The following NRXN3 variants were observed in gnomAD, a reference collection of about 807,000 sequenced individuals.
The protein encoded by NRXN3 is neurexin 3.
NRXN3 carries 32 observed loss-of-function variants against 137.6 expected under a neutral mutation model. That is an observed-to-expected ratio of 0.23 (90% CI 0.18 to 0.31). The LOEUF (loss-of-function observed/expected upper bound fraction) is 0.31. Ranked by LOEUF, NRXN3 falls within the 10% of genes least tolerant of loss-of-function variation. The probability of loss-of-function intolerance (pLI) is 1.00; values close to 1 mark genes in which losing one functional copy is unlikely to be tolerated. For missense variants in NRXN3, 1,574 were observed against 2,062.5 expected (o/e 0.76, Z 4.59); for synonymous variants, 798 against 784.5 (o/e 1.02, Z -0.29).
At chr14:79,672,167 G>A (rs1450099032) in intron 17 of NRXN3, among the ~76,000 whole-genome samples, 1 of 152,006 alleles carries the variant, frequency 6.6e-6, no homozygotes, top group Non-Finnish European at 1.5e-5. Context: ...GGACTTTATA[G>A]GATGCACATT....
chr14:78,195,327 GTTCGTTCA>G (rs1353310546), intron 1 of NRXN3, among the ~76,000 whole-genome samples: 2 of 152,076 alleles, frequency 1.3e-5, no homozygotes, highest in African/African-American at 4.8e-5. Context: ...TCATTCGTTC[GTTCGTTCA>G]TTCATTCATT....
intron 15 of NRXN3, among the ~76,000 whole-genome samples, chr14:79,172,805 A>G (rs1479103237): frequency 1.3e-5 from 2 of 152,198 alleles, no homozygotes; most frequent in African/African-American, 4.8e-5. Flanking sequence ...AGTAAGAACT[A>G]TGCTTTATAA....
At chr14:78,706,172 C>G (rs2098346428) in intron 6 of NRXN3, among the ~76,000 whole-genome samples, 1 of 152,128 alleles carries the variant, frequency 6.6e-6, no homozygotes, top group Non-Finnish European at 1.5e-5. Flanking sequence ...AATAATTAAC[C>G]TTTACTAGGA....
At chr14:79,656,463 T>C (rs2098506156) in intron 16 of NRXN3, among the ~76,000 whole-genome samples, 1 of 152,200 alleles carries the variant, frequency 6.6e-6, no homozygotes, top group South Asian at 2.1e-4. Context: ...ACGTGATGAC[T>C]CAGGATGCCA....
chr14:78,704,897 G>C (rs17108081), intron 6 of NRXN3, among the ~76,000 whole-genome samples: 1 of 152,120 alleles, frequency 6.6e-6, no homozygotes, highest in Admixed American at 6.5e-5. Flanking sequence ...TCCTGGTATT[G>C]CTCCTGTGTG....
intron 15 of NRXN3, among the ~76,000 whole-genome samples, chr14:79,341,873 G>C (rs2092627127): frequency 6.6e-6 from 1 of 152,048 alleles, no homozygotes; most frequent in South Asian, 2.1e-4. Context: ...AAGCAAAAAG[G>C]GCAATGCCGT....
rs367701200 is a variant in NRXN3, at chr14:78,663,202, A to C, written c.1221+11876A>C. 1.5e-4 allele frequency among the ~76,000 whole-genome samples: 23 copies of C among 152,328 alleles called. 1 individual carries two copies. In the South Asian group the frequency reaches 4.6e-3, roughly 30 times the overall value. Reference sequence around the variant, plus strand: ...TTCTACCAATTCAGTCATAAGAGTTAGTGACGAAGAAAAGGAAGCTCCTCT... The same window carrying C: ...TTCTACCAATTCAGTCATAAGAGTTCGTGACGAAGAAAAGGAAGCTCCTCT... On this transcript the variant is annotated intron_variant, in intron 6 of 20. Transcript: ENST00000335750.
intron 15 of NRXN3, among the ~76,000 whole-genome samples, chr14:79,317,088 T>C (rs113964023): frequency 0.057 from 8,665 of 151,896 alleles, 635 homozygotes; most frequent in African/African-American, 0.17. Context: ...AAAAATTAGC[T>C]GGGCGTGGTG....
At chr14:79,737,337 T>G (rs1280260188) in intron 19 of NRXN3, among the ~76,000 whole-genome samples, 1 of 152,204 alleles carries the variant, frequency 6.6e-6, no homozygotes, top group Non-Finnish European at 1.5e-5. Context: ...TAATCTTAAT[T>G]TTATTGGGAG....
In NRXN3 at chr14:79,246,415, G is replaced by A. The variant is rs575692841; in HGVS notation, c.3263-220806G>A. On this transcript the variant is annotated intron_variant, in intron 15 of 20. Coordinates refer to ENST00000335750, the MANE Select transcript of NRXN3 (RefSeq NM_001330195.2). ...GAATTGTTTGGTACAAATTGTGGTG[G>A]CATTGACTCTGTCCGAGGTTCTGCT... 7.0e-4 allele frequency among the ~76,000 whole-genome samples: 107 copies of A among 152,268 alleles called. 3 individuals carry two copies. The South Asian group carries it at 0.021, about 30-fold the overall frequency.
chr14:79,724,822 G>A (rs986933169), intron 19 of NRXN3, among the ~76,000 whole-genome samples: 1 of 152,040 alleles, frequency 6.6e-6, no homozygotes, highest in African/African-American at 2.4e-5. Context: ...TAAGTGTATT[G>A]GGGACACTGA....
intron 4 of NRXN3, among the ~76,000 whole-genome samples, chr14:78,487,427 T>A (rs1352160527): frequency 1.6e-4 from 25 of 152,152 alleles, no homozygotes; most frequent in Admixed American, 1.6e-3. Context: ...CTTAGTGTAT[T>A]TTTGTCCATT....
chr14:79,487,331 G>A lies in NRXN3; in HGVS notation c.3444+19929G>A, dbSNP rs186306322. On this transcript the variant is annotated intron_variant, in intron 16 of 20. Transcript: ENST00000335750. ...TGCATCGCATTTCATTTTGTAACAT[G>A]TTCTTGTGCTACATGTTTCACCATG... Among the ~76,000 whole-genome samples the A allele has an allele frequency of 5.3e-3, 803 of 152,034 alleles. 3 individuals are homozygous for A. The highest frequency in any genetic ancestry group is 9.4e-3 in the Non-Finnish European group (637 of 67,978).
intron 4 of NRXN3, among the ~76,000 whole-genome samples, chr14:78,470,179 T>G (rs758699440): frequency 7.2e-5 from 11 of 152,214 alleles, no homozygotes; most frequent in South Asian, 2.1e-4. Flanking sequence ...AGTTGACTCC[T>G]GTTAGGTATG....
chr14:79,202,426 G>A (rs946069977), intron 15 of NRXN3, among the ~76,000 whole-genome samples: 4 of 151,816 alleles, frequency 2.6e-5, no homozygotes, highest in African/African-American at 7.3e-5. Context: ...GGTGGCATTC[G>A]GTTACATGAG....
At chr14:79,556,663 C>G (rs1338113700) in intron 16 of NRXN3, among the ~76,000 whole-genome samples, 3 of 152,166 alleles carry the variant, frequency 2.0e-5, no homozygotes, top group African/African-American at 7.2e-5. Flanking sequence ...TCAAGTGATC[C>G]TCCTGCCTCA....
intron 16 of NRXN3, among the ~76,000 whole-genome samples, chr14:79,561,456 A>G (rs2097496281): frequency 1.3e-5 from 2 of 152,184 alleles, no homozygotes; most frequent in South Asian, 4.1e-4. Context: ...CCACTTTTGT[A>G]GGTATACTGA....
intron 15 of NRXN3, among the ~76,000 whole-genome samples, chr14:79,161,087 T>A (rs559597435): frequency 5.3e-5 from 8 of 152,086 alleles, no homozygotes; most frequent in Admixed American, 5.2e-4. Flanking sequence ...TTACTAAATG[T>A]GTAATTCTTG....
chr14:79,148,480 C>G (rs946155847), intron 15 of NRXN3, among the ~76,000 whole-genome samples: 1 of 152,158 alleles, frequency 6.6e-6, no homozygotes, highest in Non-Finnish European at 1.5e-5. Flanking sequence ...TATAGGCCCT[C>G]ATGAGCCTGT....
Sources: gnomAD v4.1 joint callset for allele counts (sites outside exome capture counted in the v4.1 genomes callset) on GRCh38, gnomAD v4.1.1 for gene constraint, MANE v1.5 for transcripts, NCBI Gene and HGNC (gene_info 2026-07-23, HGNC 2026-07-21) for gene names.